Variants in ZW10 observed in about 807,000 individuals in gnomAD.
ZW10 encodes the protein centromere/kinetochore protein zw10 homolog.
Under a neutral mutation model 87.8 loss-of-function variants are expected in ZW10, and 53 were observed. The observed-to-expected ratio is 0.60, with a 90% confidence interval of 0.48 to 0.76. ZW10 has a LOEUF of 0.76. Ranked by LOEUF, ZW10 falls within the 30% of genes least tolerant of loss-of-function variation. The pLI is 0.00. For synonymous variants in ZW10, 312 were observed against 329.2 expected (o/e 0.95, Z 0.57); for missense variants, 837 against 923.0 (o/e 0.91, Z 1.21).
chr11:113,760,524 G>C lies in ZW10; in HGVS notation c.409C>G (p.Arg137Gly), dbSNP rs544769818. 1.2e-6 allele frequency: 2 copies of C among 1,613,424 alleles called. No homozygotes were observed. The highest frequency in any genetic ancestry group is 1.7e-6 in the Non-Finnish European group (2 of 1,179,692). Residue 137 changes from arginine (R) to glycine (G), a missense_variant, in exon 4 of 16, where the codon CGT becomes GGT. Physicochemically the swap from Arg to Gly is moderately radical, Grantham distance 125. Coordinates refer to ENST00000200135, the MANE Select transcript of ZW10 (RefSeq NM_004724.4). ...TEKKYVTGAQ[R>G]LEEAQKCLKL... ...AGAGCATTTAGTACCTCTTCCAGAC[G>C]CTGAGCACCAGTGACATACTTCTTC...
At chr11:113,744,411 C>A (rs991192488) in intron 9 of ZW10, among the ~76,000 whole-genome samples, 1 of 151,872 alleles carries the variant, frequency 6.6e-6, no homozygotes, top group Non-Finnish European at 1.5e-5. Flanking sequence ...TCAAAAAAAA[C>A]AAATATAAGC....
At chr11:113,771,364 A>C (rs1357568613) in intron 1 of ZW10, 2 of 152,236 alleles carry the variant, frequency 1.3e-5, no homozygotes, top group African/African-American at 4.8e-5. Context: ...CCATGCACAT[A>C]AAATGAGGGG....
intron 4 of ZW10, 31 bp downstream of exon 4, chr11:113,760,482 T>A (rs1229552272): frequency 6.2e-7 from 1 of 1,606,424 alleles, no homozygotes; most frequent in Non-Finnish European, 8.5e-7. Context: ...AGAGCACTTA[T>A]TGCGCATGCT....
chr11:113,742,340 G>A (rs1953629148), intron 10 of ZW10, among the ~76,000 whole-genome samples: 1 of 152,102 alleles, frequency 6.6e-6, no homozygotes, highest in Non-Finnish European at 1.5e-5. Context: ...GCAAACATAA[G>A]GTTTGTGTAA....
chr11:113,747,969 G>A (rs1953698244), intron 8 of ZW10, among the ~76,000 whole-genome samples: 1 of 151,838 alleles, frequency 6.6e-6, no homozygotes, highest in Admixed American at 6.6e-5. Context: ...TAGCATTCAA[G>A]GAAACACTAA....
chr11:113,737,678 C>A lies in ZW10; in HGVS notation c.1910G>T (p.Gly637Val). Residue 637 changes from glycine to valine, a missense_variant, in exon 14 of 16, where the codon GGA becomes GTA. Physicochemically the swap from Gly to Val is moderately radical, Grantham distance 109. Transcript: ENST00000200135. ...TGGCAGGACATCCTGCCACACAATT[C>A]CAAGTCTCTTTAGTTGGTGCAGTAC... ...RQVLHQLKRL[G>V]IVWQDVLPVN... 6.2e-7 allele frequency: 1 copy of A among 1,613,152 alleles called. No individual in the cohort carries two copies. The highest frequency in any genetic ancestry group is 1.1e-5 in the South Asian group (1 of 90,942).
chr11:113,746,494 T>TCAAAAAAAAAAAAAAAAAAAAAAA (rs1953677450), intron 9 of ZW10, among the ~76,000 whole-genome samples: 1 of 16,556 alleles, frequency 6.0e-5, no homozygotes, highest in Non-Finnish European at 1.3e-4. Flanking sequence ...AACAAAACAG[T>TCAAAAAAAAAAAAAAAAAAAAAAA]CAAAAAAAAA....
At chr11:113,738,150 G>A in intron 13 of ZW10, 114 bp downstream of exon 13, 2 of 1,181,588 alleles carry the variant, frequency 1.7e-6, no homozygotes, top group Non-Finnish European at 2.3e-6. Context: ...AGGTGGGGGT[G>A]CAGGGAATCA....
At chr11:113,740,426 A>C (rs1258134834) in intron 11 of ZW10, among the ~76,000 whole-genome samples, 1 of 152,044 alleles carries the variant, frequency 6.6e-6, no homozygotes, top group Non-Finnish European at 1.5e-5. Flanking sequence ...CTATCATTAC[A>C]AAAATATGTT....
In ZW10 at chr11:113,737,581, A is replaced by G. The variant is rs1004708013; in HGVS notation, c.2007T>C (p.Thr669=). 1 of 1,611,790 alleles carries G rather than the reference A, an allele frequency of 6.2e-7. No individual in the cohort carries two copies. The change falls in exon 14 of 16, where the codon ACT becomes ACC. Residue 669 remains threonine, a synonymous_variant. Coordinates refer to ENST00000200135, the MANE Select transcript of ZW10 (RefSeq NM_004724.4). ...ATCTAATGGCCCTTACCTCTAGGGC[A>G]GTAATTTTGCCAATGACCTCAGAAA... ...TAISEVIGKI[T]ALEDISTEDG...
chr11:113,748,247 G>A lies in ZW10; in HGVS notation c.1089+10C>T, dbSNP rs1390998173. On this transcript the variant is annotated intron_variant, in intron 8 of 15. Coordinates refer to ENST00000200135, the MANE Select transcript of ZW10 (RefSeq NM_004724.4). ...GTCTTAAAACCTTCTGTGCTGTCTG[G>A]GCTCTTTACCTCTTCATATTGCTGT... is the stretch of plus-strand genomic sequence containing the variant. 8 of 1,601,438 alleles carry A rather than the reference G, an allele frequency of 5.0e-6. 1 individual carries two copies. The highest frequency in any genetic ancestry group is 4.5e-5 in the East Asian group (2 of 44,642).
intron 15 of ZW10, among the ~76,000 whole-genome samples, chr11:113,736,274 CAAA>C (rs113525581): frequency 7.3e-6 from 1 of 136,442 alleles, no homozygotes. Context: ...GACCATGTCT[CAAA>C]AAAAAAAAAG....
chr11:113,734,062 A>AGGC (rs1953522182), intron 15 of ZW10, among the ~76,000 whole-genome samples: 1 of 152,210 alleles, frequency 6.6e-6, no homozygotes, highest in African/African-American at 2.4e-5. Flanking sequence ...ATTCTCCCTT[A>AGGC]TTCTATACCA....
At chr11:113,756,707 T>C (rs1474759916) in intron 7 of ZW10, among the ~76,000 whole-genome samples, 2 of 152,238 alleles carry the variant, frequency 1.3e-5, no homozygotes, top group East Asian at 3.8e-4. Flanking sequence ...ATTGATGGAA[T>C]ATTATAGAGG....
intron 7 of ZW10, among the ~76,000 whole-genome samples, chr11:113,754,982 C>T (rs1216294105): frequency 6.6e-6 from 1 of 152,092 alleles, no homozygotes; most frequent in African/African-American, 2.4e-5. Flanking sequence ...TCTGTTGAGA[C>T]CTACTGCTCA....
chr11:113,740,218 C>A (rs918654119), intron 11 of ZW10, among the ~76,000 whole-genome samples: 2 of 152,066 alleles, frequency 1.3e-5, no homozygotes, highest in African/African-American at 4.8e-5. Context: ...CTGGGCCTTA[C>A]ATCAGACATA....
At chr11:113,773,482 C>G in intron 1 of ZW10, 80 bp downstream of exon 1, 1 of 1,237,272 alleles carries the variant, frequency 8.1e-7, no homozygotes, top group Non-Finnish European at 1.1e-6. Flanking sequence ...CTGCCCTTAG[C>G]CCCTGACTCC....
intron 1 of ZW10, among the ~76,000 whole-genome samples, chr11:113,772,765 G>C (rs1937650564): frequency 6.7e-6 from 1 of 148,712 alleles, no homozygotes; most frequent in Admixed American, 6.8e-5. Flanking sequence ...CTGAGGTCAA[G>C]AGTTCGAGAC....
intron 7 of ZW10, among the ~76,000 whole-genome samples, chr11:113,754,670 T>G (rs534602422): frequency 1.3e-5 from 2 of 152,254 alleles, no homozygotes; most frequent in East Asian, 3.9e-4. Context: ...TGCAGTAACG[T>G]GAACACAGCT....
Sources: gnomAD v4.1 joint callset for allele counts (sites outside exome capture counted in the v4.1 genomes callset) on GRCh38, gnomAD v4.1.1 for gene constraint, MANE v1.5 for transcripts, NCBI Gene and HGNC (gene_info 2026-07-23, HGNC 2026-07-21) for gene names.